The following FAM167A variants were observed in gnomAD, a reference collection of about 807,000 sequenced individuals.
FAM167A encodes the protein family with sequence similarity 167 member A, also known as protein FAM167A.
Under a neutral mutation model 14.9 loss-of-function variants are expected in FAM167A, and 23 were observed. The ratio of observed to expected loss-of-function variants is 1.55; its 90% CI spans 1.11 to 2.19. The LOEUF is 2.19. Among genes scored for constraint, FAM167A ranks in the 30% most tolerant of loss-of-function variants. FAM167A has a pLI of 0.00. For missense variants in FAM167A, 401 were observed against 281.5 expected (o/e 1.42, Z -3.04); for synonymous variants, 174 against 117.7 (o/e 1.48, Z -3.10).
chr8:11,446,656 T>G (rs922661107), intron 1 of FAM167A: 3 of 152,210 alleles, frequency 2.0e-5, no homozygotes, highest in African/African-American at 7.2e-5. Flanking sequence ...CAACCTCCTA[T>G]GTTCTAGCAG....
chr8:11,456,556 G>A (rs559531505), intron 1 of FAM167A, among the ~76,000 whole-genome samples: 1 of 151,518 alleles, frequency 6.6e-6, no homozygotes, highest in Admixed American at 6.6e-5. Flanking sequence ...GTGAGTGTGG[G>A]GGGTGGTTGC....
chr8:11,426,348 C>T (rs1046934888), intron 2 of FAM167A, among the ~76,000 whole-genome samples: 13 of 152,156 alleles, frequency 8.5e-5, no homozygotes, highest in East Asian at 3.9e-4. Flanking sequence ...CCACCTAGGG[C>T]GAGCTTTCTC....
At chr8:11,445,563 G>A in intron 1 of FAM167A, 8 of 985,528 alleles carry the variant, frequency 8.1e-6, no homozygotes, top group Non-Finnish European at 9.6e-6. Flanking sequence ...GTGCCCGCAT[G>A]GCAGCACCTG....
intron 2 of FAM167A, among the ~76,000 whole-genome samples, chr8:11,425,673 C>CA (rs978274774): frequency 4.6e-5 from 7 of 151,954 alleles, no homozygotes; most frequent in Non-Finnish European, 8.8e-5. Context: ...GTTATACCCC[C>CA]CCTTGCTGTT....
chr8:11,456,538 G>A lies in FAM167A; in HGVS notation c.-398+10088C>T, dbSNP rs547657896. On this transcript the variant is annotated intron_variant, in intron 1 of 2. Transcript: ENST00000284486. Reference sequence around the variant, plus strand: ...GTGGGGGCTGGCTGCCCTGCTGGGTGTGTGAGTGTGAGTGTGGGGGGTGGT... The same window carrying A: ...GTGGGGGCTGGCTGCCCTGCTGGGTATGTGAGTGTGAGTGTGGGGGGTGGT... Among the ~76,000 whole-genome samples, 199 of 150,802 alleles carry A rather than the reference G, an allele frequency of 1.3e-3. 1 individual carries two copies. The highest frequency in any genetic ancestry group is 4.6e-3 in the African/African-American group (190 of 40,912).
intron 1 of FAM167A, among the ~76,000 whole-genome samples, chr8:11,472,750 G>A (rs1807999467): frequency 6.6e-6 from 1 of 152,146 alleles, no homozygotes; most frequent in Admixed American, 6.5e-5. Context: ...TTTACTAACT[G>A]GAACTTTGTC....
intron 2 of FAM167A, among the ~76,000 whole-genome samples, chr8:11,428,192 G>T (rs1241255025): frequency 6.6e-6 from 1 of 152,184 alleles, no homozygotes; most frequent in Non-Finnish European, 1.5e-5. Context: ...GGAATTTGGG[G>T]TGTGGCCAGG....
At position 11,422,103 on chromosome 8, in the gene FAM167A, T is replaced by A. The variant is rs912847629; in HGVS notation, c.*2270A>T. 1 of 316,234 alleles carries A rather than the reference T, an allele frequency of 3.2e-6. No individual in the cohort carries two copies. Among genetic ancestry groups the A allele is most frequent in the African/African-American group, 2.1e-5 (1 of 46,750 alleles). 19.6% of individuals were successfully genotyped at this position (316,234 alleles called of 1,614,324 possible). A position where few individuals can be genotyped will look rare whatever the true frequency, so the allele number is the denominator to read the frequency against. On this transcript the variant is annotated 3_prime_UTR_variant, in exon 3 of 3. Coordinates refer to ENST00000284486, the MANE Select transcript of FAM167A (RefSeq NM_053279.3). Reference sequence around the variant, plus strand: ...TATCCCCAAACATGTGTCTTGATCTTAGTTTCCACCCAGAGAATGAAGAAA... The same window carrying A: ...TATCCCCAAACATGTGTCTTGATCTAAGTTTCCACCCAGAGAATGAAGAAA...
intron 1 of FAM167A, among the ~76,000 whole-genome samples, chr8:11,453,640 C>T (rs2409777): frequency 0.16 from 24,109 of 152,000 alleles, 2,017 homozygotes; most frequent in Middle Eastern, 0.31. Context: ...GGACCAGGAC[C>T]GGGTCAGAGG....
chr8:11,431,249 A>T (rs528108817), intron 2 of FAM167A, among the ~76,000 whole-genome samples: 1 of 152,382 alleles, frequency 6.6e-6, no homozygotes, highest in South Asian at 2.1e-4. Flanking sequence ...CATAACATGG[A>T]TGAATCTTGA....
chr8:11,473,435 C>G (rs1356630017), intron 1 of FAM167A, among the ~76,000 whole-genome samples: 1 of 152,132 alleles, frequency 6.6e-6, no homozygotes, highest in Non-Finnish European at 1.5e-5. Context: ...TTTGGGGAAA[C>G]GGGACTTGGG....
chr8:11,427,579 CCT>C (rs1269419570), intron 2 of FAM167A, among the ~76,000 whole-genome samples: 2 of 152,300 alleles, frequency 1.3e-5, no homozygotes, highest in Middle Eastern at 3.4e-3. Context: ...TCACTTTCTC[CCT>C]GTTAGGTTTA....
At chr8:11,445,165 A>C in intron 1 of FAM167A, 1 of 985,210 alleles carries the variant, frequency 1.0e-6, no homozygotes, top group Non-Finnish European at 1.2e-6. Context: ...CCCAGCAATA[A>C]GTTGTGGGGA....
chr8:11,434,933 G>C (rs753247046), intron 2 of FAM167A: 5 of 427,880 alleles, frequency 1.2e-5, no homozygotes, highest in Non-Finnish European at 2.4e-5. Flanking sequence ...GGCTGGGTGA[G>C]GACAGGCCCA....
At chr8:11,437,020 C>T (rs1806065619) in intron 2 of FAM167A, among the ~76,000 whole-genome samples, 1 of 152,226 alleles carries the variant, frequency 6.6e-6, no homozygotes, top group African/African-American at 2.4e-5. Context: ...CTGCCCCAGC[C>T]TCCAGGCAAG....
Position 11,424,137 on chromosome 8 carries a change from C to G in FAM167A, c.*236G>C. ...CCTTTAACATCTTGGTTGGAGCGGCCCTTCTGCAGAGCTCTTTGGGTAGTA... is the reference window on the plus strand; with the variant it reads ...CCTTTAACATCTTGGTTGGAGCGGCGCTTCTGCAGAGCTCTTTGGGTAGTA... On this transcript the variant is annotated 3_prime_UTR_variant, in exon 3 of 3. Coordinates refer to ENST00000284486, the MANE Select transcript of FAM167A (RefSeq NM_053279.3). The G allele has an allele frequency of 1.8e-6, 1 of 541,740 alleles. No individual in the cohort carries two copies. 33.6% of individuals were successfully genotyped at this position (541,740 alleles called of 1,614,324 possible). A position where few individuals can be genotyped will look rare whatever the true frequency, so the allele number is the denominator to read the frequency against.
chr8:11,460,916 C>G (rs188446524), intron 1 of FAM167A, among the ~76,000 whole-genome samples: 1 of 152,322 alleles, frequency 6.6e-6, no homozygotes, highest in African/African-American at 2.4e-5. Context: ...TTTGCAAATT[C>G]AAAGTGCTGG....
chr8:11,444,242 G>A lies in FAM167A; in HGVS notation c.170C>T (p.Thr57Ile), dbSNP rs376264572. The A allele has an allele frequency of 4.0e-5, 65 of 1,611,802 alleles. No individual in the cohort carries two copies. The highest frequency in any genetic ancestry group is 5.2e-5 in the Non-Finnish European group (61 of 1,179,808). The change falls in exon 2 of 3, where the codon ACC becomes ATC. Residue 57 changes from threonine to isoleucine, a missense_variant. Coordinates refer to ENST00000284486, the MANE Select transcript of FAM167A (RefSeq NM_053279.3). ...LEWQARLEEH[T>I]WPFPRPAAEP... ...CGCAGCCGGCCTCGGGAAGGGCCAG[G>A]TATGCTCCTCCAGCCTGGCCTGCCA...
At chr8:11,434,262 C>CA (rs1467617107) in intron 2 of FAM167A, 5 of 152,322 alleles carry the variant, frequency 3.3e-5, no homozygotes, top group Admixed American at 2.6e-4. Flanking sequence ...AGGCCGCACT[C>CA]ACGCTCTGCA....
Sources: allele counts gnomAD v4.1 joint callset (sites outside exome capture counted in the v4.1 genomes callset), GRCh38; gene constraint gnomAD v4.1.1; transcripts MANE v1.5; gene names NCBI Gene and HGNC (gene_info 2026-07-23, HGNC 2026-07-21).